Variants in HDAC9 observed in about 807,000 individuals in gnomAD.
The protein encoded by HDAC9 is histone deacetylase 9, also known as MEF-2 interacting transcription repressor (MITR) protein.
A neutral mutation model predicts 139.4 loss-of-function variants in HDAC9; 41 were observed. That is an observed-to-expected ratio of 0.29 (90% CI 0.23 to 0.38). HDAC9 has a LOEUF of 0.38. Among genes scored for constraint, HDAC9 ranks in the 10% least tolerant of loss-of-function variants. HDAC9 has a pLI of 1.00. For missense variants in HDAC9, 1,147 were observed against 1,297.0 expected (o/e 0.88, Z 1.78); for synonymous variants, 517 against 476.2 (o/e 1.09, Z -1.12).
At chr7:18,207,942 G>A (rs1025869768) in intron 2 of HDAC9, among the ~76,000 whole-genome samples, 12 of 151,990 alleles carry the variant, frequency 7.9e-5, no homozygotes, top group East Asian at 1.9e-4. Flanking sequence ...TTGAACTCCC[G>A]ATCTCAGGTG....
chr7:18,213,361 G>T (rs989739676), intron 2 of HDAC9, among the ~76,000 whole-genome samples: 1 of 152,042 alleles, frequency 6.6e-6, no homozygotes, highest in African/African-American at 2.4e-5. Context: ...AAATTATGTT[G>T]CTTTACGTGT....
chr7:18,750,453 A>T (rs890790897), intron 14 of HDAC9, among the ~76,000 whole-genome samples: 4 of 152,204 alleles, frequency 2.6e-5, no homozygotes, highest in Admixed American at 6.6e-5. Flanking sequence ...TTATGGTAGA[A>T]TTATCAAACA....
At chr7:18,242,487 A>G (rs1794251407) in intron 2 of HDAC9, among the ~76,000 whole-genome samples, 2 of 152,172 alleles carry the variant, frequency 1.3e-5, no homozygotes, top group African/African-American at 4.8e-5. Flanking sequence ...AACATCATCC[A>G]TCTGTAATAT....
At chr7:18,590,228 A>T (rs1830563671) in intron 3 of HDAC9, 108 bp from the exon 4 acceptor site, 1 of 1,141,522 alleles carries the variant, frequency 8.8e-7, no homozygotes, top group Non-Finnish European at 1.2e-6. Context: ...TACAAATATG[A>T]ACTAAATACA....
intron 13 of HDAC9, among the ~76,000 whole-genome samples, chr7:18,731,868 C>T (rs539775069): frequency 3.3e-5 from 5 of 152,250 alleles, no homozygotes; most frequent in South Asian, 2.1e-4. Flanking sequence ...TCAGGTGATC[C>T]GCCCATTTCG....
chr7:18,510,133 T>C (rs1313388359), intron 2 of HDAC9, among the ~76,000 whole-genome samples: 8 of 152,178 alleles, frequency 5.3e-5, no homozygotes, highest in African/African-American at 1.9e-4. Flanking sequence ...TGCCCCCAAA[T>C]TAAAATTATT....
At chr7:18,159,407 T>G (rs1787458401) in intron 1 of HDAC9, among the ~76,000 whole-genome samples, 1 of 152,170 alleles carries the variant, frequency 6.6e-6, no homozygotes, top group African/African-American at 2.4e-5. Context: ...GTGGGAAGAT[T>G]TGAGAATAAG....
chr7:18,230,978 C>G (rs1345285175), intron 2 of HDAC9, among the ~76,000 whole-genome samples: 1 of 152,068 alleles, frequency 6.6e-6, no homozygotes, highest in African/African-American at 2.4e-5. Flanking sequence ...TTGTCTTAAG[C>G]AAAGCTCAGG....
At chr7:18,333,592 G>A (rs972759118) in intron 1 of HDAC9, among the ~76,000 whole-genome samples, 2 of 151,302 alleles carry the variant, frequency 1.3e-5, no homozygotes, top group Non-Finnish European at 3.0e-5. Context: ...CACCATTAAG[G>A]GAATAAACAA....
intron 24 of HDAC9, among the ~76,000 whole-genome samples, chr7:18,974,115 C>T (rs1273502603): frequency 6.6e-6 from 1 of 152,198 alleles, no homozygotes; most frequent in South Asian, 2.1e-4. Flanking sequence ...CAGTAAAACA[C>T]AGAGACTCCA....
intron 1 of HDAC9, chr7:18,430,376 A>G (rs1790531116): frequency 6.6e-6 from 1 of 152,184 alleles, no homozygotes; most frequent in Admixed American, 6.6e-5. Flanking sequence ...AGTACGTGCT[A>G]CAACACCTGG....
chr7:18,418,591 A>G (rs896357718), intron 1 of HDAC9, among the ~76,000 whole-genome samples: 1 of 152,158 alleles, frequency 6.6e-6, no homozygotes, highest in African/African-American at 2.4e-5. Context: ...AGGCCACAGA[A>G]CAATGAGAAT....
intron 1 of HDAC9, among the ~76,000 whole-genome samples, chr7:18,435,173 A>G (rs540291782): frequency 6.6e-6 from 1 of 151,964 alleles, no homozygotes; most frequent in Non-Finnish European, 1.5e-5. Flanking sequence ...CAAGTACTGC[A>G]TATTCTTACT....
intron 23 of HDAC9, among the ~76,000 whole-genome samples, chr7:18,941,191 C>T (rs777443569): frequency 2.7e-4 from 41 of 150,626 alleles, no homozygotes; most frequent in Non-Finnish European, 7.4e-5. Context: ...CTCCCTGCCT[C>T]CCTCCCGTTA....
At chr7:18,402,579 G>A (rs1787645874) in intron 1 of HDAC9, among the ~76,000 whole-genome samples, 1 of 152,168 alleles carries the variant, frequency 6.6e-6, no homozygotes, top group African/African-American at 2.4e-5. Context: ...TAAGGAGCTG[G>A]ACTTTTATCA....
intron 22 of HDAC9, among the ~76,000 whole-genome samples, chr7:18,895,965 A>G (rs1015708580): frequency 2.8e-4 from 43 of 152,114 alleles, no homozygotes; most frequent in African/African-American, 1.0e-3. Flanking sequence ...TTCCTTGACT[A>G]TACAAGCATA....
At chr7:18,991,569 G>A (rs561603296) in intron 25 of HDAC9, among the ~76,000 whole-genome samples, 82 of 152,116 alleles carry the variant, frequency 5.4e-4, no homozygotes, top group African/African-American at 1.5e-3. Flanking sequence ...CTCAGGAGGC[G>A]GAGCTTGCAG....
chr7:18,306,292 C>T (rs1468485674), intron 1 of HDAC9, among the ~76,000 whole-genome samples: 1 of 152,134 alleles, frequency 6.6e-6, no homozygotes, highest in Admixed American at 6.5e-5. Flanking sequence ...AATTCCTCAG[C>T]ACTTCTGGCC....
rs553415625 is a variant in HDAC9, at chr7:18,564,587, T to G, written c.23-20694T>G. 3.3e-5 allele frequency among the ~76,000 whole-genome samples: 5 copies of G among 152,324 alleles called. No individual in the cohort carries two copies. In the East Asian group the frequency reaches 7.7e-4, roughly 23 times the overall value. ...CAGGATAGAAGATGTCCATTTTTATTTTTTTATTCTAAATAGGAATAATAT... is the reference window on the plus strand; with the variant it reads ...CAGGATAGAAGATGTCCATTTTTATGTTTTTATTCTAAATAGGAATAATAT... On this transcript the variant is annotated intron_variant, in intron 2 of 25. Coordinates refer to ENST00000686413, the MANE Select transcript of HDAC9 (RefSeq NM_178425.4).
Sources: allele counts gnomAD v4.1 joint callset (sites outside exome capture counted in the v4.1 genomes callset), GRCh38; gene constraint gnomAD v4.1.1; transcripts MANE v1.5; gene names NCBI Gene and HGNC (gene_info 2026-07-23, HGNC 2026-07-21).